The following GMDS variants were observed in gnomAD, a reference collection of about 807,000 sequenced individuals.
GMDS encodes the protein GDP-mannose 4,6-dehydratase.
GMDS carries 20 observed loss-of-function variants against 49.9 expected under a neutral mutation model. The ratio of observed to expected loss-of-function variants is 0.40; its 90% CI spans 0.28 to 0.58. The LOEUF (loss-of-function observed/expected upper bound fraction) is 0.58. Ranked by LOEUF, GMDS falls within the 20% of genes least tolerant of loss-of-function variation. GMDS has a pLI of 0.42. For synonymous variants in GMDS, 177 were observed against 178.6 expected (o/e 0.99, Z 0.07); for missense variants, 362 against 481.4 (o/e 0.75, Z 2.32).
chr6:2,049,576 G>C (rs1241467950), intron 4 of GMDS, among the ~76,000 whole-genome samples: 1 of 152,154 alleles, frequency 6.6e-6, no homozygotes, highest in Non-Finnish European at 1.5e-5. Flanking sequence ...ATGTGATCAA[G>C]GTAAGGATCT....
chr6:1,812,441 T>C (rs1770471668), intron 7 of GMDS, among the ~76,000 whole-genome samples: 1 of 151,902 alleles, frequency 6.6e-6, no homozygotes. Flanking sequence ...TTCCCAGTGT[T>C]GGCAGCTGTA....
chr6:2,000,785 C>T (rs553312563), intron 4 of GMDS, among the ~76,000 whole-genome samples: 2 of 152,278 alleles, frequency 1.3e-5, no homozygotes, highest in East Asian at 1.9e-4. Context: ...CCTTAGCCTC[C>T]CAAGTAACTG....
intron 7 of GMDS, among the ~76,000 whole-genome samples, chr6:1,905,294 G>GC (rs1760702220): frequency 6.6e-6 from 1 of 152,242 alleles, no homozygotes; most frequent in African/African-American, 2.4e-5. Flanking sequence ...ATCTGCATGT[G>GC]GGGCCAGCAC....
intron 9 of GMDS, among the ~76,000 whole-genome samples, chr6:1,627,526 C>T (rs545003885): frequency 1.3e-5 from 2 of 152,324 alleles, no homozygotes; most frequent in Non-Finnish European, 2.9e-5. Context: ...TAATCTTTAC[C>T]TCCCTCTTAA....
chr6:1,896,624 C>T (rs990752015), intron 7 of GMDS, among the ~76,000 whole-genome samples: 2 of 151,906 alleles, frequency 1.3e-5, no homozygotes, highest in Non-Finnish European at 2.9e-5. Context: ...CCATGTGAGG[C>T]GGGAGCAGAG....
At chr6:2,183,135 C>G (rs992536615) in intron 1 of GMDS, among the ~76,000 whole-genome samples, 4 of 152,158 alleles carry the variant, frequency 2.6e-5, no homozygotes, top group African/African-American at 9.7e-5. Context: ...CATTCTGCAG[C>G]CCATGGATCA....
intron 4 of GMDS, among the ~76,000 whole-genome samples, chr6:2,107,577 ATTAAGT>A (rs1367532584): frequency 6.6e-6 from 1 of 152,250 alleles, no homozygotes; most frequent in Non-Finnish European, 1.5e-5. Flanking sequence ...TACAAACTGT[ATTAAGT>A]TATCACGGGG....
intron 7 of GMDS, among the ~76,000 whole-genome samples, chr6:1,781,995 A>G (rs1301750816): frequency 3.3e-5 from 5 of 152,196 alleles, no homozygotes; most frequent in Non-Finnish European, 7.3e-5. Context: ...CAGACTGCAC[A>G]GCAACAGGCT....
At chr6:1,987,910 GA>G (rs1166247298) in intron 4 of GMDS, among the ~76,000 whole-genome samples, 1 of 151,522 alleles carries the variant, frequency 6.6e-6, no homozygotes, top group Non-Finnish European at 1.5e-5. Context: ...TTTACCTCTC[GA>G]AAAAAAACTA....
At chr6:2,097,796 T>C (rs560894892) in intron 4 of GMDS, among the ~76,000 whole-genome samples, 38 of 152,236 alleles carry the variant, frequency 2.5e-4, no homozygotes, top group South Asian at 1.2e-3. Context: ...GATCTTCTCG[T>C]AGCAAGGCAA....
At chr6:2,047,642 C>A (rs1025250598) in intron 4 of GMDS, among the ~76,000 whole-genome samples, 4 of 151,994 alleles carry the variant, frequency 2.6e-5, no homozygotes, top group Non-Finnish European at 5.9e-5. Context: ...GTGTGCACCA[C>A]CTTCCCCATC....
rs140159862 is a variant in GMDS, at chr6:1,929,198, T to G, written c.771+905A>C. Among the ~76,000 whole-genome samples the G allele has an allele frequency of 1.1e-4, 16 of 152,320 alleles. No homozygotes were observed. The East Asian group carries it at 1.5e-3, about 15-fold the overall frequency. ...TTCTTTTGTAGGCATTAAAGTTTCTTTTTGAATTGCATAAATGAACAAGAA... is the reference window on the plus strand; with the variant it reads ...TTCTTTTGTAGGCATTAAAGTTTCTGTTTGAATTGCATAAATGAACAAGAA... On this transcript the variant is annotated intron_variant, in intron 7 of 10. Transcript: ENST00000380815.
rs1347340207 is a variant in GMDS, at chr6:1,836,206, G to C, written c.772-93620C>G. Among the ~76,000 whole-genome samples the C allele has an allele frequency of 2.6e-5, 4 of 152,082 alleles. No individual in the cohort carries two copies. The highest frequency in any genetic ancestry group is 6.5e-5 in the Admixed American group (1 of 15,274). On this transcript the variant is annotated intron_variant, in intron 7 of 10. Coordinates refer to ENST00000380815, the MANE Select transcript of GMDS (RefSeq NM_001500.4). The surrounding 1 kb of genome is among the most constrained non-coding windows in gnomAD (Gnocchi z 4.2). ...TTTTAAGTACGTTTTTGATTCACTA[G>C]TATCTTGTCATGCCTGATAGTCTCT...
intron 1 of GMDS, among the ~76,000 whole-genome samples, chr6:2,133,635 A>G (rs1332792): frequency 0.7 from 106,448 of 152,086 alleles, 37,637 homozygotes; most frequent in East Asian, 0.82. Context: ...AGAGTTCCAG[A>G]CAGACAGGAA....
At chr6:1,796,594 A>G (rs1231065824) in intron 7 of GMDS, among the ~76,000 whole-genome samples, 1 of 152,210 alleles carries the variant, frequency 6.6e-6, no homozygotes, top group Admixed American at 6.5e-5. Context: ...TCAAATCACA[A>G]CCCTCAAAAT....
chr6:2,142,756 A>C (rs780685066), intron 1 of GMDS, among the ~76,000 whole-genome samples: 11 of 152,176 alleles, frequency 7.2e-5, no homozygotes, highest in Non-Finnish European at 1.6e-4. Flanking sequence ...CTGAAAGGTC[A>C]GGCAAGGTGG....
At chr6:1,737,628 TACACACGC>T (rs1767056339) in intron 8 of GMDS, among the ~76,000 whole-genome samples, 1 of 115,166 alleles carries the variant, frequency 8.7e-6, no homozygotes, top group Non-Finnish European at 1.7e-5. Context: ...CACACACAGA[TACACACGC>T]ACACATACAT....
At chr6:1,652,472 TATATA>T (rs1763701483) in intron 9 of GMDS, among the ~76,000 whole-genome samples, 1 of 10,096 alleles carries the variant, frequency 9.9e-5, no homozygotes, top group African/African-American at 4.0e-4. Flanking sequence ...TAATATATTA[TATATA>T]TTATATATAA....
chr6:1,776,036 C>G (rs1164132971), intron 7 of GMDS, among the ~76,000 whole-genome samples: 1 of 152,158 alleles, frequency 6.6e-6, no homozygotes, highest in Non-Finnish European at 1.5e-5. Context: ...CTAGCACAAC[C>G]TCTGCACTGC....
Sources: gnomAD v4.1 joint callset for allele counts (sites outside exome capture counted in the v4.1 genomes callset) on GRCh38, gnomAD v4.1.1 for gene constraint, Gnocchi (gnomAD v3.1) non-coding constraint, MANE v1.5 for transcripts, NCBI Gene and HGNC (gene_info 2026-07-23, HGNC 2026-07-21) for gene names.